PLAG1: variants seen among roughly 807,000 people sequenced by gnomAD.
The protein encoded by PLAG1 is PLAG1 zinc finger, also known as zinc finger protein PLAG1.
PLAG1 carries 7 observed loss-of-function variants against 35.5 expected under a neutral mutation model. The ratio of observed to expected loss-of-function variants is 0.20; its 90% CI spans 0.11 to 0.37. The LOEUF (loss-of-function observed/expected upper bound fraction) is 0.37. Ranked by LOEUF, PLAG1 falls within the 10% of genes least tolerant of loss-of-function variation. The probability of loss-of-function intolerance (pLI) is 1.00; values close to 1 mark genes in which losing one functional copy is unlikely to be tolerated. For synonymous variants in PLAG1, 229 were observed against 225.4 expected (o/e 1.02, Z -0.14); for missense variants, 454 against 602.8 (o/e 0.75, Z 2.58).
chr8:56,162,131 T>C lies in PLAG1; in HGVS notation c.*4112A>G, dbSNP rs919318250. The C allele has an allele frequency of 3.5e-5, 8 of 227,820 alleles. No homozygotes were observed. The highest frequency in any genetic ancestry group is 1.6e-4 in the African/African-American group (7 of 45,010). The allele number at this position is 227,820 out of a possible 1,614,324, so 14.1% of individuals were successfully genotyped here. A position where few individuals can be genotyped will look rare whatever the true frequency, so the allele number is the denominator to read the frequency against. On this transcript the variant is annotated 3_prime_UTR_variant, in exon 5 of 5. Transcript: ENST00000316981. ...GATCTATGTGATCACAACAGACTTATCTGTGTTGTAGACATGGCTGCTGAC... is the reference window on the plus strand; with the variant it reads ...GATCTATGTGATCACAACAGACTTACCTGTGTTGTAGACATGGCTGCTGAC...
chr8:56,207,301 A>C (rs919644376), intron 1 of PLAG1, among the ~76,000 whole-genome samples: 13 of 151,988 alleles, frequency 8.6e-5, no homozygotes, highest in Admixed American at 2.0e-4. Flanking sequence ...TTAATTTAGG[A>C]AACAACAAAT....
intron 3 of PLAG1, among the ~76,000 whole-genome samples, chr8:56,169,224 C>T (rs989625373): frequency 2.6e-5 from 4 of 152,114 alleles, no homozygotes; most frequent in Non-Finnish European, 5.9e-5. Context: ...GGCCTTTGGA[C>T]ACACCTGCAA....
At chr8:56,193,156 T>C (rs145404245) in intron 1 of PLAG1, among the ~76,000 whole-genome samples, 450 of 152,342 alleles carry the variant, frequency 3.0e-3, no homozygotes, top group African/African-American at 0.01. Context: ...AAAGAGTCTG[T>C]ACTTTTTGGA....
At chr8:56,199,733 C>G (rs1413094116) in intron 1 of PLAG1, among the ~76,000 whole-genome samples, 1 of 152,036 alleles carries the variant, frequency 6.6e-6, no homozygotes, top group Admixed American at 6.5e-5. Context: ...CCACCACCCC[C>G]CCCGATCCTC....
chr8:56,197,835 G>A (rs1812429062), intron 1 of PLAG1, among the ~76,000 whole-genome samples: 1 of 152,200 alleles, frequency 6.6e-6, no homozygotes, highest in Admixed American at 6.5e-5. Context: ...GCGGTCAGGA[G>A]GTCTGTCTGT....
intron 1 of PLAG1, among the ~76,000 whole-genome samples, chr8:56,181,384 G>A (rs933487019): frequency 1.1e-4 from 16 of 152,180 alleles, no homozygotes; most frequent in East Asian, 1.9e-4. Context: ...ATACTATGCC[G>A]CCATAAAAAA....
chr8:56,166,159 T>G lies in PLAG1; in HGVS notation c.*84A>C. 1 of 983,592 alleles carries G rather than the reference T, an allele frequency of 1.0e-6. No individual in the cohort carries two copies. 60.9% of individuals were successfully genotyped at this position (983,592 alleles called of 1,614,324 possible). A position where few individuals can be genotyped will look rare whatever the true frequency, so the allele number is the denominator to read the frequency against. ...TACAAAAGCAGAAATTTTTATACTG[T>G]TTTAAAGTAGGCACTAAAATAAAAA... On this transcript the variant is annotated 3_prime_UTR_variant, in exon 5 of 5. Coordinates refer to ENST00000316981, the MANE Select transcript of PLAG1 (RefSeq NM_002655.3).
chr8:56,183,515 G>C (rs1434979142), intron 1 of PLAG1, among the ~76,000 whole-genome samples: 1 of 152,118 alleles, frequency 6.6e-6, no homozygotes, highest in African/African-American at 2.4e-5. Context: ...CATACAGTAA[G>C]CATTTACACT....
chr8:56,189,187 C>T (rs146474122), intron 1 of PLAG1, among the ~76,000 whole-genome samples: 5 of 152,310 alleles, frequency 3.3e-5, no homozygotes, highest in Non-Finnish European at 7.4e-5. Context: ...CAAATGAACC[C>T]ACGGAAGAAA....
chr8:56,188,698 A>G (rs1489139131), intron 1 of PLAG1, among the ~76,000 whole-genome samples: 1 of 152,222 alleles, frequency 6.6e-6, no homozygotes, highest in Non-Finnish European at 1.5e-5. Context: ...GCAACATTAG[A>G]CATGATTTTT....
intron 1 of PLAG1, among the ~76,000 whole-genome samples, chr8:56,208,856 G>A (rs1185280531): frequency 6.6e-6 from 1 of 152,160 alleles, no homozygotes; most frequent in Non-Finnish European, 1.5e-5. Context: ...ATTCAACTTA[G>A]AAAATGAAAA....
In PLAG1 at chr8:56,162,519, A is replaced by G. The variant is rs539565030; in HGVS notation, c.*3724T>C. 9 of 213,326 alleles carry G rather than the reference A, an allele frequency of 4.2e-5. No homozygotes were observed. The highest frequency in any genetic ancestry group is 1.1e-4 in the African/African-American group (5 of 44,342). The allele number at this position is 213,326 out of a possible 1,614,324, so 13.2% of individuals were successfully genotyped here. ...CATTATATATCAAAGGCCTACATATATATCATCTAATGGCACTTGAATTAT... is the reference window on the plus strand; with the variant it reads ...CATTATATATCAAAGGCCTACATATGTATCATCTAATGGCACTTGAATTAT... On this transcript the variant is annotated 3_prime_UTR_variant, in exon 5 of 5. Coordinates refer to ENST00000316981, the MANE Select transcript of PLAG1 (RefSeq NM_002655.3).
chr8:56,175,204 A>T (rs1811649341), intron 2 of PLAG1, among the ~76,000 whole-genome samples: 1 of 152,234 alleles, frequency 6.6e-6, no homozygotes, highest in African/African-American at 2.4e-5. Context: ...TTTGCCTCAG[A>T]AAACAAGCAT....
At chr8:56,177,555 C>G (rs189995505) in intron 2 of PLAG1, among the ~76,000 whole-genome samples, 1 of 152,114 alleles carries the variant, frequency 6.6e-6, no homozygotes, top group Non-Finnish European at 1.5e-5. Context: ...GACTGGAAAG[C>G]TCTTCTTGAA....
chr8:56,197,339 G>A (rs962185912), intron 1 of PLAG1, among the ~76,000 whole-genome samples: 1 of 152,086 alleles, frequency 6.6e-6, no homozygotes, highest in African/African-American at 2.4e-5. Context: ...CCTGGAATCT[G>A]TCTCTCCCAC....
chr8:56,202,480 G>A (rs1237743947), intron 1 of PLAG1, among the ~76,000 whole-genome samples: 2 of 152,182 alleles, frequency 1.3e-5, no homozygotes, highest in Non-Finnish European at 2.9e-5. Flanking sequence ...ATCTGATTAG[G>A]ACAAACTTAG....
At chr8:56,178,492 T>G (rs192549236) in intron 2 of PLAG1, among the ~76,000 whole-genome samples, 46 of 152,328 alleles carry the variant, frequency 3.0e-4, no homozygotes, top group Admixed American at 1.8e-3. Context: ...ATAGCTAAAA[T>G]TTTAATGCTA....
chr8:56,162,364 T>TA lies in PLAG1; in HGVS notation c.*3878dup, dbSNP rs1399142930. 1.8e-5 allele frequency: 4 copies of TA among 222,808 alleles called. No homozygotes were observed. Among genetic ancestry groups the TA allele is most frequent in the African/African-American group, 2.2e-5 (1 of 44,910 alleles). 13.8% of individuals were successfully genotyped at this position (222,808 alleles called of 1,614,324 possible). ...TGTGCTTTGAGACACGTAAACCTTG[T>TA]AAAAAAATAAACCATTGTAAAACCT... On this transcript the variant is annotated 3_prime_UTR_variant, in exon 5 of 5. Coordinates refer to ENST00000316981, the MANE Select transcript of PLAG1 (RefSeq NM_002655.3).
chr8:56,177,387 A>C (rs905135738), intron 2 of PLAG1, among the ~76,000 whole-genome samples: 18 of 152,268 alleles, frequency 1.2e-4, no homozygotes, highest in Admixed American at 2.0e-4. Context: ...CCATCATGTC[A>C]AGGGTAGCCG....
Sources: gnomAD v4.1 joint callset for allele counts (sites outside exome capture counted in the v4.1 genomes callset) on GRCh38, gnomAD v4.1.1 for gene constraint, MANE v1.5 for transcripts, NCBI Gene and HGNC (gene_info 2026-07-23, HGNC 2026-07-21) for gene names.